The following DOCK9 variants were observed in gnomAD, a reference collection of about 807,000 sequenced individuals.
DOCK9 encodes dedicator of cytokinesis protein 9.
A neutral mutation model predicts 263.3 loss-of-function variants in DOCK9; 89 were observed. The observed-to-expected ratio is 0.34, with a 90% CI of 0.28 to 0.40. The LOEUF is 0.40. Among genes scored for constraint, DOCK9 ranks in the 10% least tolerant of loss-of-function variants. The pLI is 1.00. For synonymous variants in DOCK9, 976 were observed against 973.1 expected (o/e 1.00, Z -0.06); for missense variants, 2,140 against 2,603.4 (o/e 0.82, Z 3.87).
At position 99,057,014 on chromosome 13, in the gene DOCK9, A is replaced by C. The variant is rs551677103; in HGVS notation, c.129+29209T>G. 9.6e-4 allele frequency among the ~76,000 whole-genome samples: 146 copies of C among 152,354 alleles called. 2 individuals are homozygous for C. Among genetic ancestry groups the C allele is most frequent in the African/African-American group, 3.3e-3 (139 of 41,588 alleles). On this transcript the variant is annotated intron_variant, in intron 1 of 32. Coordinates refer to the DOCK9 transcript ENST00000427887. ...TTTCTTGCCAAGTAGCTGGTCTCTC[A>C]GACAGCGAATTCCTACCATGTAGAC...
chr13:98,794,731 C>T lies in DOCK9; in HGVS notation c.6174G>A (p.Glu2058=). 6.2e-7 allele frequency: 1 copy of T among 1,613,982 alleles called. No individual in the cohort carries two copies. Among genetic ancestry groups the T allele is most frequent in the East Asian group, 2.2e-5 (1 of 44,886 alleles). The change falls in exon 53 of 53, where the codon GAG becomes GAA. Residue 2058 remains glutamate (E), a synonymous_variant. Coordinates refer to ENST00000682017, the MANE Select transcript of DOCK9 (RefSeq NM_001366683.2). ...GGGAATTCGGTAAGACGCTCGTCTT[C>T]TCCTCCAGGGGGCAGATCTTGAGGA... ...IMHEQICPLE[E]KTSVLPNSLH... is the part of the protein sequence containing the mutation.
Position 98,942,110 on chromosome 13 carries a change from A to G in DOCK9, c.244-11853T>C, listed in dbSNP as rs2140558790. ...TGTCACTACCTCTAGTGTCTAAAGC[A>G]CCTACCAACTCTTTCATGTGCATTG... On this transcript the variant is annotated intron_variant, in intron 2 of 52. Coordinates refer to ENST00000682017, the MANE Select transcript of DOCK9 (RefSeq NM_001366683.2). Among the ~76,000 whole-genome samples, 3 of 152,152 alleles carry G rather than the reference A, an allele frequency of 2.0e-5. No homozygotes were observed. In the South Asian group the frequency reaches 6.2e-4, roughly 32 times the overall value.
intron 23 of DOCK9, 49 bp from the exon 24 acceptor site, chr13:98,882,056 C>G (rs1231940569): frequency 4.2e-6 from 6 of 1,440,642 alleles, no homozygotes; most frequent in Non-Finnish European, 5.7e-6. Flanking sequence ...AAAAGTAAAC[C>G]AGCCTAAAGT....
chr13:98,994,552 T>A (rs1232430491), intron 1 of DOCK9, among the ~76,000 whole-genome samples: 1 of 152,204 alleles, frequency 6.6e-6, no homozygotes, highest in African/African-American at 2.4e-5. Flanking sequence ...TCTTCTTCTG[T>A]GACAAAGGAA....
intron 37 of DOCK9, 134 bp from the exon 38 acceptor site, chr13:98,846,194 A>T: frequency 9.0e-7 from 1 of 1,109,862 alleles, no homozygotes; most frequent in South Asian, 1.5e-5. Context: ...TGGAGCAGCC[A>T]GAGACACAGA....
In DOCK9 at chr13:98,990,320, T is replaced by C. The variant is rs141198368; in HGVS notation, c.130-34769A>G. On this transcript the variant is annotated intron_variant, in intron 1 of 32. Coordinates refer to the DOCK9 transcript ENST00000427887. ...GACTTAATGTACTATTATTTTCCTTTTAAACAGAATCTGTTACTCAGACAC... is the reference window on the plus strand; with the variant it reads ...GACTTAATGTACTATTATTTTCCTTCTAAACAGAATCTGTTACTCAGACAC... 6.8e-3 allele frequency among the ~76,000 whole-genome samples: 1,037 copies of C among 152,358 alleles called. 7 individuals are homozygous for C. The highest frequency in any genetic ancestry group is 0.014 in the Middle Eastern group (4 of 294).
intron 1 of DOCK9, chr13:99,015,684 C>G: frequency 6.7e-7 from 1 of 1,486,568 alleles, no homozygotes. Flanking sequence ...TCTTCCGAAA[C>G]AGGCTCCCAC....
At position 98,919,299 on chromosome 13, in the gene DOCK9, G is replaced by A. The variant is rs550130297; in HGVS notation, c.717+1655C>T. 1.7e-4 allele frequency among the ~76,000 whole-genome samples: 26 copies of A among 152,076 alleles called. No individual in the cohort carries two copies. The East Asian group carries it at 3.9e-3, about 23-fold the overall frequency. ...TAATTTTTGTATTTTTAGTAGAGAC[G>A]GGGTTTCACCATGTTGGTCAGGCTG... On this transcript the variant is annotated intron_variant, in intron 7 of 52. Coordinates refer to ENST00000682017, the MANE Select transcript of DOCK9 (RefSeq NM_001366683.2).
Position 98,944,382 on chromosome 13 carries a change from G to GAAAAAA in DOCK9, c.243+11047_243+11052dup, listed in dbSNP as rs59677048. On this transcript the variant is annotated intron_variant, in intron 2 of 52. Coordinates refer to ENST00000682017, the MANE Select transcript of DOCK9 (RefSeq NM_001366683.2). ...TCACGTCACAGTGTCCACTATATGA[G>GAAAAAA]AAAAAAAAAAAAAAAAAAAGCTACT... Among the ~76,000 whole-genome samples, 47 of 73,064 alleles carry GAAAAAA rather than the reference G, an allele frequency of 6.4e-4. 1 individual carries two copies. The highest frequency in any genetic ancestry group is 9.3e-4 in the Non-Finnish European group (36 of 38,866). The allele number at this position is 73,064 out of a possible 152,430, so 47.9% of individuals were successfully genotyped here. A position where few individuals can be genotyped will look rare whatever the true frequency, so the allele number is the denominator to read the frequency against.
rs773631206 is a variant in DOCK9 at position 98,863,055 on chromosome 13, C to A, written c.3543G>T (p.Val1181=). 1 of 1,611,230 alleles carries A rather than the reference C, an allele frequency of 6.2e-7. No individual in the cohort carries two copies. Among genetic ancestry groups the A allele is most frequent in the Non-Finnish European group, 8.5e-7 (1 of 1,178,846 alleles). The part of the protein sequence containing the change: ...LLIENVQRIN[V]RDVSPFPVNA... ...TCACAGGGAAGGGTGACACATCCCTCACATTGATCCGCTGGACGTTTTCAA... is the reference window on the plus strand; with the variant it reads ...TCACAGGGAAGGGTGACACATCCCTAACATTGATCCGCTGGACGTTTTCAA... The change falls in exon 32 of 53, where the codon GTG becomes GTT. Residue 1181 remains valine (V), a synonymous_variant. Transcript: ENST00000682017.
intron 1 of DOCK9, among the ~76,000 whole-genome samples, chr13:98,970,344 C>A (rs1159601913): frequency 1.3e-5 from 2 of 152,150 alleles, no homozygotes; most frequent in Non-Finnish European, 2.9e-5. Flanking sequence ...TGCAGCATGG[C>A]TCAGTGTAAG....
rs1352337230 is a variant in DOCK9, at chr13:98,849,904, G to A, written c.4013+143C>T. The A allele has an allele frequency of 1.4e-5, 9 of 622,772 alleles. No homozygotes were observed. The African/African-American group carries it at 1.5e-4, about 10-fold the overall frequency. 38.6% of individuals were successfully genotyped at this position (622,772 alleles called of 1,614,324 possible). A position where few individuals can be genotyped will look rare whatever the true frequency, so the allele number is the denominator to read the frequency against. On this transcript the variant is annotated intron_variant, in intron 36 of 52. Transcript: ENST00000682017. ...ACAAGCCCTGAAAATATGTTTTAGG[G>A]CCAAGACCATGAGAAAGGGCTTAAG...
intron 1 of DOCK9, among the ~76,000 whole-genome samples, chr13:98,995,218 T>C (rs906230813): frequency 1.3e-5 from 2 of 152,154 alleles, no homozygotes; most frequent in African/African-American, 4.8e-5. Flanking sequence ...ATTTCACTCA[T>C]GAAAAGCTAA....
chr13:99,038,288 C>CCGCTTTTTTTT (rs1888110933), intron 1 of DOCK9, among the ~76,000 whole-genome samples: 2 of 86,262 alleles, frequency 2.3e-5, no homozygotes, highest in Non-Finnish European at 4.4e-5. Flanking sequence ...TTATGCCCCC[C>CCGCTTTTTTTT]TTTTTTTTTT....
intron 1 of DOCK9, among the ~76,000 whole-genome samples, chr13:99,032,832 T>C (rs1213914031): frequency 1.3e-5 from 2 of 152,220 alleles, no homozygotes; most frequent in African/African-American, 4.8e-5. Context: ...TCAACCTATG[T>C]GAAAGTCTTT....
chr13:98,846,050 C>A lies in DOCK9; in HGVS notation c.4072G>T (p.Gly1358Trp). The A allele has an allele frequency of 6.4e-7, 1 of 1,574,534 alleles. No individual in the cohort carries two copies. The highest frequency in any genetic ancestry group is 8.6e-7 in the Non-Finnish European group (1 of 1,158,760). Residue 1358 changes from glycine (G) to tryptophan (W), a missense_variant, in exon 38 of 53, where the codon GGG becomes TGG. Transcript: ENST00000682017. ...GKRYIARNQE[G>W]LGPIVHDRKS... Reference sequence around the variant, plus strand: ...CGATCATGAACTATGGGTCCCAACCCCTCCTGGTTCCTGCAACATGAGTGA... The same window carrying A: ...CGATCATGAACTATGGGTCCCAACCACTCCTGGTTCCTGCAACATGAGTGA...
At chr13:98,954,985 C>A (rs556729062) in intron 2 of DOCK9, among the ~76,000 whole-genome samples, 114 of 151,960 alleles carry the variant, frequency 7.5e-4, no homozygotes, top group African/African-American at 2.6e-3. Context: ...TATAAAATAA[C>A]TTTTCTTTCT....
chr13:98,814,403 C>T (rs538685350), intron 45 of DOCK9, among the ~76,000 whole-genome samples: 205 of 121,686 alleles, frequency 1.7e-3, no homozygotes, highest in African/African-American at 5.3e-3. Context: ...TAAAGAAGTA[C>T]GTCTTTTTTT....
At chr13:98,920,745 C>A (rs1427832937) in intron 7 of DOCK9, among the ~76,000 whole-genome samples, 1 of 152,198 alleles carries the variant, frequency 6.6e-6, no homozygotes, top group South Asian at 2.1e-4. Context: ...CCAGAGTGCT[C>A]CTGCCTGCCA....
Sources: gnomAD v4.1 joint callset for allele counts (sites outside exome capture counted in the v4.1 genomes callset) on GRCh38, gnomAD v4.1.1 for gene constraint, MANE v1.5 for transcripts, NCBI Gene and HGNC (gene_info 2026-07-23, HGNC 2026-07-21) for gene names.